The following INPP5A variants were observed in gnomAD, a reference collection of about 807,000 sequenced individuals.
INPP5A encodes the protein inositol polyphosphate-5-phosphatase A, also known as 43 kDa inositol polyphosphate 5-phophatase.
INPP5A carries 14 observed loss-of-function variants against 65.2 expected under a neutral mutation model. The ratio of observed to expected loss-of-function variants is 0.21; its 90% confidence interval spans 0.14 to 0.34. The LOEUF is 0.34. INPP5A is among the 10% of genes least tolerant of loss of function. The pLI is 1.00. For missense variants in INPP5A, 431 were observed against 545.6 expected (o/e 0.79, Z 2.09); for synonymous variants, 207 against 208.3 (o/e 0.99, Z 0.05).
chr10:132,582,596 A>AT (rs1373525936), intron 1 of INPP5A, among the ~76,000 whole-genome samples: 1 of 151,900 alleles, frequency 6.6e-6, no homozygotes, highest in African/African-American at 2.4e-5. Context: ...TTTAAAAATA[A>AT]TTTTTGTAGA....
At position 132,587,781 on chromosome 10, in the gene INPP5A, C is replaced by T. The variant is rs188357958; in HGVS notation, c.76-20134C>T. 7.5e-4 allele frequency among the ~76,000 whole-genome samples: 114 copies of T among 151,794 alleles called. 1 individual carries two copies. Among genetic ancestry groups the T allele is most frequent in the African/African-American group, 2.4e-3 (101 of 41,376 alleles). On this transcript the variant is annotated intron_variant, in intron 1 of 15. Transcript: ENST00000368594. The surrounding 1 kb of genome is among the most constrained non-coding windows in gnomAD (Gnocchi z 4.3). ...AGCACTTTGGGAGGCCGAGGCGAGG[C>T]GGGCAGATTATCTGAGGCCAGGAAT...
intron 1 of INPP5A, among the ~76,000 whole-genome samples, chr10:132,595,073 G>GT (rs1395787098): frequency 8.5e-5 from 13 of 152,204 alleles, no homozygotes; most frequent in Non-Finnish European, 1.6e-4. Context: ...ACCTTTGGGC[G>GT]TTTTTTTCTG....
intron 2 of INPP5A, among the ~76,000 whole-genome samples, chr10:132,629,325 G>A (rs184119137): frequency 1.3e-5 from 2 of 152,334 alleles, no homozygotes; most frequent in Non-Finnish European, 1.5e-5. Flanking sequence ...AGGGCAGTGC[G>A]CTGCCCGCCT....
intron 2 of INPP5A, among the ~76,000 whole-genome samples, chr10:132,622,182 A>G (rs2072119131): frequency 6.6e-6 from 1 of 152,300 alleles, no homozygotes; most frequent in Non-Finnish European, 1.5e-5. Flanking sequence ...AAATATGTCA[A>G]TATCTCTGTA....
intron 2 of INPP5A, among the ~76,000 whole-genome samples, chr10:132,625,288 C>T (rs1404959629): frequency 6.6e-6 from 1 of 151,872 alleles, no homozygotes. Flanking sequence ...CCTGTCATCC[C>T]ACCCCACACC....
chr10:132,734,541 T>C (rs1846143106), intron 9 of INPP5A, among the ~76,000 whole-genome samples: 1 of 152,216 alleles, frequency 6.6e-6, no homozygotes, highest in African/African-American at 2.4e-5. Flanking sequence ...TGGCTGAGGT[T>C]CTGGGTGGGT....
rs770270373 is a variant in INPP5A at position 132,650,439 on chromosome 10, G to A, written c.240G>A (p.Ala80=). The change falls in exon 4 of 16, where the codon GCG becomes GCA. Residue 80 remains alanine, a synonymous_variant. Coordinates refer to ENST00000368594, the MANE Select transcript of INPP5A (RefSeq NM_005539.5). This position sits in a 1 kb window ranked among gnomAD's most constrained non-coding sequence, Gnocchi z 5.5. ...CCAGAGAACTATTGTCGAGTGATGCGATGAAAGAATATAACAGGGCTCGAG... is the reference window on the plus strand; with the variant it reads ...CCAGAGAACTATTGTCGAGTGATGCAATGAAAGAATATAACAGGGCTCGAG... The part of the protein sequence containing the change: ...KFVKELLSSD[A]MKEYNRARVY... The A allele has an allele frequency of 2.9e-5, 47 of 1,613,700 alleles. No individual in the cohort carries two copies. Among genetic ancestry groups the A allele is most frequent in the Middle Eastern group, 1.7e-4 (1 of 6,060 alleles).
intron 13 of INPP5A, among the ~76,000 whole-genome samples, chr10:132,778,876 C>T (rs1239282585): frequency 1.3e-5 from 2 of 152,250 alleles, no homozygotes; most frequent in East Asian, 3.8e-4. Context: ...ACAGGTGTGC[C>T]CTCAGCAGGG....
At chr10:132,633,367 A>G (rs1164588514) in intron 2 of INPP5A, among the ~76,000 whole-genome samples, 1 of 152,170 alleles carries the variant, frequency 6.6e-6, no homozygotes, top group Admixed American at 6.5e-5. Flanking sequence ...ATAGTAGGTC[A>G]CGAAAACCCA....
intron 11 of INPP5A, among the ~76,000 whole-genome samples, chr10:132,756,195 G>A (rs118047150): frequency 0.021 from 3,190 of 152,322 alleles, 37 homozygotes; most frequent in Middle Eastern, 0.082. Context: ...GTACACATAT[G>A]TGTGTGCGTG....
chr10:132,688,803 C>T (rs1564965403), intron 4 of INPP5A, among the ~76,000 whole-genome samples: 5 of 140,720 alleles, frequency 3.6e-5, no homozygotes, highest in Admixed American at 2.9e-4. Flanking sequence ...TGCGTGTGTG[C>T]ACCAGTGTGA....
chr10:132,769,556 A>C (rs1402536151), intron 12 of INPP5A, among the ~76,000 whole-genome samples: 1 of 152,218 alleles, frequency 6.6e-6, no homozygotes, highest in African/African-American at 2.4e-5. Context: ...ACGTGTGCTT[A>C]GAGTTACTGG....
intron 9 of INPP5A, among the ~76,000 whole-genome samples, chr10:132,735,799 C>T (rs955366265): frequency 2.0e-5 from 3 of 152,188 alleles, no homozygotes; most frequent in Non-Finnish European, 4.4e-5. Flanking sequence ...TTTGCCCTGC[C>T]GAGAGTTCAG....
At chr10:132,585,825 G>A (rs924813101) in intron 1 of INPP5A, among the ~76,000 whole-genome samples, 17 of 152,166 alleles carry the variant, frequency 1.1e-4, no homozygotes, top group African/African-American at 3.6e-4. Flanking sequence ...TGTCGTCAGC[G>A]GCTGCCCTGC....
At chr10:132,586,826 C>T (rs577616228) in intron 1 of INPP5A, among the ~76,000 whole-genome samples, 49 of 152,212 alleles carry the variant, frequency 3.2e-4, no homozygotes, top group Non-Finnish European at 5.9e-4. Context: ...TGTCAGGAGG[C>T]GGCGCAGCGC....
chr10:132,733,035 G>A (rs1314388301), intron 9 of INPP5A, among the ~76,000 whole-genome samples: 1 of 152,168 alleles, frequency 6.6e-6, no homozygotes, highest in South Asian at 2.1e-4. Flanking sequence ...TGCTCCTGGA[G>A]GCTCCAGGGG....
chr10:132,697,784 GA>G lies in INPP5A; in HGVS notation c.371-31del. The G allele has an allele frequency of 6.9e-7, 1 of 1,445,546 alleles. No individual in the cohort carries two copies. The highest frequency in any genetic ancestry group is 9.7e-7 in the Non-Finnish European group (1 of 1,030,066). 89.5% of individuals were successfully genotyped at this position (1,445,546 alleles called of 1,614,324 possible). A position where few individuals can be genotyped will look rare whatever the true frequency, so the allele number is the denominator to read the frequency against. ...CTGGTTGGATGGGGCACAGTGATGG[GA>G]TAGTCACCTCGTCCTTCTGGTCTCT... On this transcript the variant is annotated intron_variant, in intron 5 of 15. Transcript: ENST00000368594. The surrounding 1 kb of genome is among the most constrained non-coding windows in gnomAD (Gnocchi z 5.6).
intron 5 of INPP5A, among the ~76,000 whole-genome samples, chr10:132,691,370 C>T (rs1484812525): frequency 2.6e-5 from 4 of 152,182 alleles, no homozygotes; most frequent in African/African-American, 4.8e-5. Flanking sequence ...AGGAGCCGGC[C>T]GGTGGCGCTC....
At chr10:132,638,470 C>T (rs1049578268) in intron 2 of INPP5A, among the ~76,000 whole-genome samples, 3 of 152,222 alleles carry the variant, frequency 2.0e-5, no homozygotes, top group South Asian at 2.1e-4. Context: ...CACACCCCAG[C>T]GGGGGCAGTC....
Sources: gnomAD v4.1 joint callset for allele counts (sites outside exome capture counted in the v4.1 genomes callset) on GRCh38, gnomAD v4.1.1 for gene constraint, Gnocchi (gnomAD v3.1) non-coding constraint, MANE v1.5 for transcripts, NCBI Gene and HGNC (gene_info 2026-07-23, HGNC 2026-07-21) for gene names.